WNK1: variants seen among roughly 807,000 people sequenced by gnomAD.
WNK1 encodes WNK lysine deficient protein kinase 1.
A neutral mutation model predicts 222.8 loss-of-function variants in WNK1; 38 were observed. The observed-to-expected ratio is 0.17, with a 90% CI of 0.13 to 0.22. The LOEUF (loss-of-function observed/expected upper bound fraction) is 0.22. Among genes scored for constraint, WNK1 ranks in the 10% least tolerant of loss-of-function variants. The pLI is 1.00. For missense variants in WNK1, 2,348 were observed against 2,918.4 expected, an observed-to-expected ratio of 0.80 and a Z score of 4.50; for synonymous variants, 1,090 against 1,092.9, an observed-to-expected ratio of 1.00 and a Z score of 0.05.
intron 1 of WNK1, among the ~76,000 whole-genome samples, chr12:801,455 G>A (rs1945866299): frequency 1.4e-5 from 2 of 144,388 alleles, no homozygotes; most frequent in South Asian, 4.4e-4. Context: ...GTGTGTGTGT[G>A]TGTGTGTGTA....
At chr12:847,081 TTTAA>T (rs1311437230) in intron 4 of WNK1, among the ~76,000 whole-genome samples, 4 of 152,310 alleles carry the variant, frequency 2.6e-5, no homozygotes, top group African/African-American at 9.6e-5. Flanking sequence ...TCTGCTGTGA[TTTAA>T]TTAAGATTAA....
intron 4 of WNK1, among the ~76,000 whole-genome samples, chr12:832,214 T>G (rs901732201): frequency 1.3e-5 from 2 of 152,148 alleles, no homozygotes; most frequent in African/African-American, 2.4e-5. Context: ...TAGCTGGGAC[T>G]ACAGGTGCCC....
chr12:788,652 G>C (rs1377797363), intron 1 of WNK1, among the ~76,000 whole-genome samples: 1 of 152,190 alleles, frequency 6.6e-6, no homozygotes, highest in African/African-American at 2.4e-5. Flanking sequence ...ACTTTGGGAG[G>C]CCGAGGCAAG....
At chr12:823,995 C>T (rs1948136746) in intron 2 of WNK1, among the ~76,000 whole-genome samples, 1 of 150,896 alleles carries the variant, frequency 6.6e-6, no homozygotes, top group Non-Finnish European at 1.5e-5. Context: ...CAACCTCTGC[C>T]TCCCGGGTTC....
intron 4 of WNK1, among the ~76,000 whole-genome samples, chr12:845,349 T>G (rs1033731235): frequency 6.6e-6 from 1 of 152,222 alleles, no homozygotes; most frequent in Non-Finnish European, 1.5e-5. Flanking sequence ...TAGGGCTTCC[T>G]GATACAAACA....
intron 1 of WNK1, among the ~76,000 whole-genome samples, 155 bp downstream of exon 1, chr12:754,479 T>C (rs1939669440): frequency 6.6e-6 from 1 of 152,110 alleles, no homozygotes. Context: ...ATTAGGAGAA[T>C]GTGGAGCATG....
At chr12:871,022 C>T (rs1305258977) in intron 8 of WNK1, among the ~76,000 whole-genome samples, 5 of 152,178 alleles carry the variant, frequency 3.3e-5, no homozygotes, top group Non-Finnish European at 7.3e-5. Context: ...GCATTGACAG[C>T]TTAGGTTTTC....
At chr12:883,655 T>A in intron 16 of WNK1, 87 bp downstream of exon 16, 17 of 1,599,256 alleles carry the variant, frequency 1.1e-5, no homozygotes, top group Non-Finnish European at 1.5e-5. Context: ...TCCAGTGATA[T>A]CACCTGACAC....
intron 1 of WNK1, among the ~76,000 whole-genome samples, chr12:757,286 C>G (rs1179208226): frequency 2.5e-5 from 3 of 120,572 alleles, no homozygotes; most frequent in African/African-American, 9.2e-5. Flanking sequence ...ATGCATTGCT[C>G]TTTAGTAAAA....
At chr12:814,321 C>CAAAA in intron 2 of WNK1, among the ~76,000 whole-genome samples, 1 of 92,038 alleles carries the variant, frequency 1.1e-5, no homozygotes, top group East Asian at 3.1e-4. Flanking sequence ...ACTCTGTCTC[C>CAAAA]AAAAAAAAAA....
intron 1 of WNK1, among the ~76,000 whole-genome samples, chr12:776,296 C>T (rs1321394721): frequency 6.6e-6 from 1 of 152,052 alleles, no homozygotes; most frequent in East Asian, 1.9e-4. Context: ...AGCCTCCCAA[C>T]GTGCTGGGAT....
In WNK1 at chr12:753,957, C is replaced by G. The variant is rs763490893; in HGVS notation, c.392C>G (p.Ser131Cys). 23 of 1,601,836 alleles carry G rather than the reference C, an allele frequency of 1.4e-5. No individual in the cohort carries two copies. The highest frequency in any genetic ancestry group is 1.9e-5 in the Non-Finnish European group (22 of 1,175,228). Reference protein sequence around the residue: ...REETVTATATSQVAQQPPAAA... With the variant: ...REETVTATATCQVAQQPPAAA... The stretch of plus-strand genomic sequence containing the variant: ...GAGACCGTGACCGCCACCGCCACTT[C>G]CCAGGTAGCCCAGCAGCCTCCAGCC... The change falls in exon 1 of 28, where the codon TCC (serine) becomes TGC (cysteine). Residue 131 changes from serine (S) to cysteine (C), a missense_variant. Physicochemically the swap from Ser to Cys is moderately radical, Grantham distance 112 (BLOSUM62 -1). Coordinates refer to ENST00000315939, the MANE Select transcript of WNK1 (RefSeq NM_018979.4). The surrounding 1 kb of genome is among the most constrained non-coding windows in gnomAD (Gnocchi z 5.2).
chr12:771,883 C>T (rs1356209150), intron 1 of WNK1, among the ~76,000 whole-genome samples: 1 of 152,138 alleles, frequency 6.6e-6, no homozygotes, highest in Non-Finnish European at 1.5e-5. Context: ...CTTCTAGCTT[C>T]AAGCAATCCT....
intron 5 of WNK1, among the ~76,000 whole-genome samples, chr12:858,167 A>G (rs553876727): frequency 3.3e-5 from 5 of 151,692 alleles, no homozygotes; most frequent in East Asian, 3.9e-4. Flanking sequence ...ACTTTTTACT[A>G]TAAACAAAGG....
chr12:769,109 G>A (rs1942140583), intron 1 of WNK1, among the ~76,000 whole-genome samples: 1 of 151,982 alleles, frequency 6.6e-6, no homozygotes, highest in Non-Finnish European at 1.5e-5. Context: ...TGCCCAGCCT[G>A]GATGTAGTAT....
chr12:883,440 G>A lies in WNK1; in HGVS notation c.3535G>A (p.Asp1179Asn), dbSNP rs1353252736. 1 of 1,614,140 alleles carries A rather than the reference G, an allele frequency of 6.2e-7. No homozygotes were observed. The highest frequency in any genetic ancestry group is 8.5e-7 in the Non-Finnish European group (1 of 1,180,018). ...ILAIERESFVDQVREIIEKAD... is the reference protein window; with the variant it reads ...ILAIERESFVNQVREIIEKAD... The stretch of plus-strand genomic sequence containing the variant: ...AGCAATAGAGAGAGAGTCGTTTGTG[G>A]ATCAAGTGCGAGAAATTATTGAAAA... The change falls in exon 16 of 28, where the codon GAT becomes AAT. Residue 1179 changes from aspartate (D) to asparagine (N), a missense_variant. By Grantham distance (23) the Asp-to-Asn change is conservative. Around this residue, in one of 13 missense-constraint regions of WNK1, gnomAD observed 1,144 missense variants for 1,273.6 expected, o/e 0.90. Transcript: ENST00000315939.
rs1278306691 is a variant in WNK1 at position 885,739 on chromosome 12, A to G, written c.4935A>G (p.Lys1645=). The stretch of plus-strand genomic sequence containing the variant: ...AAGTAGATTCTGATACACAACCCAA[A>G]GCTCCTGGAATTGATGACATAAAGA... ...CPEVDSDTQP[K]APGIDDIKTL... is the part of the protein sequence containing the mutation. The change falls in exon 19 of 28, where the codon AAA becomes AAG. Residue 1645 remains lysine (K), a synonymous_variant. Coordinates refer to ENST00000315939, the MANE Select transcript of WNK1 (RefSeq NM_018979.4). 6.2e-7 allele frequency: 1 copy of G among 1,614,178 alleles called. No individual in the cohort carries two copies. The highest frequency in any genetic ancestry group is 2.2e-5 in the East Asian group (1 of 44,884).
chr12:792,740 T>C (rs1436571293), intron 1 of WNK1, among the ~76,000 whole-genome samples: 1 of 152,184 alleles, frequency 6.6e-6, no homozygotes, highest in Admixed American at 6.5e-5. Context: ...CCTAACCTCC[T>C]TTACTCCTTT....
At chr12:847,646 T>G (rs778262839) in intron 4 of WNK1, among the ~76,000 whole-genome samples, 2 of 152,058 alleles carry the variant, frequency 1.3e-5, no homozygotes, top group Non-Finnish European at 2.9e-5. Context: ...TAGTTTTTGT[T>G]TTACCATTGA....
Sources: gnomAD v4.1 joint callset for allele counts (sites outside exome capture counted in the v4.1 genomes callset) on GRCh38, gnomAD v4.1.1 for gene constraint, gnomAD v4.1.1 regional missense constraint, Gnocchi (gnomAD v3.1) non-coding constraint, MANE v1.5 for transcripts, NCBI Gene and HGNC (gene_info 2026-07-23, HGNC 2026-07-21) for gene names.